Variants in SLCO2A1 observed in about 807,000 individuals in gnomAD.
SLCO2A1 encodes the protein matrin F/G 1.
A neutral mutation model predicts 71.7 loss-of-function variants in SLCO2A1; 60 were observed. That is an observed-to-expected ratio of 0.84 (90% CI 0.68 to 1.04). SLCO2A1 has a LOEUF of 1.04. SLCO2A1 is among the 50% of genes least tolerant of loss of function. SLCO2A1 has a pLI of 0.00. For synonymous variants in SLCO2A1, 308 were observed against 326.7 expected (o/e 0.94, Z 0.62); for missense variants, 745 against 813.4 (o/e 0.92, Z 1.02).
chr3:133,973,603 A>C, intron 3 of SLCO2A1, 60 bp downstream of exon 3: 1 of 1,579,284 alleles, frequency 6.3e-7, no homozygotes. Flanking sequence ...TATCCCCACT[A>C]ACTTTGTGAG....
At chr3:133,948,178 G>A (rs1360346135) in intron 8 of SLCO2A1, among the ~76,000 whole-genome samples, 1 of 152,146 alleles carries the variant, frequency 6.6e-6, no homozygotes, top group African/African-American at 2.4e-5. Flanking sequence ...GGGAAGAAGA[G>A]AAAATCCCGG....
intron 9 of SLCO2A1, among the ~76,000 whole-genome samples, chr3:133,946,960 C>T (rs979020394): frequency 2.6e-5 from 4 of 151,918 alleles, no homozygotes; most frequent in African/African-American, 4.8e-5. Flanking sequence ...ACTAAAAATA[C>T]AAAAATTAGC....
At chr3:134,017,263 G>A (rs535290970) in intron 1 of SLCO2A1, among the ~76,000 whole-genome samples, 21 of 152,312 alleles carry the variant, frequency 1.4e-4, no homozygotes, top group Admixed American at 3.9e-4. Context: ...ACTAGGTGAA[G>A]GCTACACAGG....
At chr3:133,946,744 G>A (rs1933587884) in intron 9 of SLCO2A1, among the ~76,000 whole-genome samples, 3 of 152,192 alleles carry the variant, frequency 2.0e-5, no homozygotes, top group Admixed American at 2.0e-4. Flanking sequence ...TGGTGGCCCA[G>A]TAAGAGCCTT....
At chr3:133,988,402 G>T (rs1185406206) in intron 1 of SLCO2A1, among the ~76,000 whole-genome samples, 1 of 152,048 alleles carries the variant, frequency 6.6e-6, no homozygotes, top group Non-Finnish European at 1.5e-5. Flanking sequence ...TAAACTATAG[G>T]CTGGAAGCCC....
At chr3:133,972,890 T>C (rs1934358596) in intron 3 of SLCO2A1, among the ~76,000 whole-genome samples, 1 of 152,082 alleles carries the variant, frequency 6.6e-6, no homozygotes, top group Non-Finnish European at 1.5e-5. Context: ...AAAAAATTAA[T>C]CAACAGCATG....
rs79619371 is a variant in SLCO2A1, at chr3:133,951,222, G to T, written c.847C>A (p.Pro283Thr). 6.2e-7 allele frequency: 1 copy of T among 1,614,028 alleles called. No individual in the cohort carries two copies. Among genetic ancestry groups the T allele is most frequent in the South Asian group, 1.1e-5 (1 of 91,058 alleles). ...FPFFFFPRAM[P>T]IGAKRAPATA... ...TGGAACCTTACCTTTGCTCCTATGG[G>T]CATTGCTCGAGGGAAGAAAAAAAAG... The change falls in exon 6 of 14, where the codon CCC (proline) becomes ACC (threonine). Residue 283 changes from proline (P) to threonine (T), a missense_variant. Physicochemically the swap from Pro to Thr is conservative, Grantham distance 38. Transcript: ENST00000310926.
chr3:134,023,121 A>G (rs1224195054), intron 1 of SLCO2A1, among the ~76,000 whole-genome samples: 1 of 38,324 alleles, frequency 2.6e-5, no homozygotes, highest in Non-Finnish European at 9.2e-5. Flanking sequence ...TTCATACAGC[A>G]AAACAAACAA....
intron 11 of SLCO2A1, among the ~76,000 whole-genome samples, chr3:133,941,486 C>A (rs967720513): frequency 6.6e-6 from 1 of 151,890 alleles, no homozygotes; most frequent in African/African-American, 2.4e-5. Flanking sequence ...ATCCTGGCAC[C>A]GGGAGTCCAA....
intron 1 of SLCO2A1, among the ~76,000 whole-genome samples, chr3:133,988,022 G>A (rs1430212697): frequency 6.6e-6 from 1 of 152,220 alleles, no homozygotes; most frequent in East Asian, 1.9e-4. Flanking sequence ...CTCACTGAGT[G>A]TAAACCAAAA....
At chr3:133,979,710 C>T in intron 1 of SLCO2A1, 92 bp from the exon 2 acceptor site, 2 of 1,406,726 alleles carry the variant, frequency 1.4e-6, no homozygotes, top group South Asian at 1.4e-5. Flanking sequence ...AGGCTGACCT[C>T]TGTTTCCTCG....
intron 12 of SLCO2A1, among the ~76,000 whole-genome samples, chr3:133,936,873 T>C (rs1240594752): frequency 6.6e-6 from 1 of 152,228 alleles, no homozygotes; most frequent in Non-Finnish European, 1.5e-5. Flanking sequence ...GAGTGATATA[T>C]GACACTTCCT....
chr3:133,938,593 G>T, intron 11 of SLCO2A1, 100 bp from the exon 12 acceptor site: 2 of 1,084,374 alleles, frequency 1.8e-6, no homozygotes, highest in Non-Finnish European at 2.9e-6. Flanking sequence ...AACCAGCCCT[G>T]ATGTGGCCTG....
chr3:133,955,234 C>A (rs1253747560), intron 3 of SLCO2A1, 41 bp from the exon 4 acceptor site: 1 of 1,548,436 alleles, frequency 6.5e-7, no homozygotes, highest in Non-Finnish European at 8.8e-7. Flanking sequence ...ACCCTGGTCT[C>A]CTGGTTCCAC....
At chr3:133,936,902 G>A (rs933236264) in intron 12 of SLCO2A1, among the ~76,000 whole-genome samples, 20 of 152,248 alleles carry the variant, frequency 1.3e-4, no homozygotes, top group East Asian at 1.9e-4. Flanking sequence ...AGCAAAGTCC[G>A]GAAACATTGT....
chr3:134,027,204 T>C (rs1356893844), intron 1 of SLCO2A1, among the ~76,000 whole-genome samples: 1 of 152,180 alleles, frequency 6.6e-6, no homozygotes, highest in Non-Finnish European at 1.5e-5. Context: ...CCACCCCTCA[T>C]ATTGTCTTAT....
At chr3:133,984,533 G>A (rs1243836854) in intron 1 of SLCO2A1, among the ~76,000 whole-genome samples, 2 of 152,200 alleles carry the variant, frequency 1.3e-5, no homozygotes, top group Non-Finnish European at 2.9e-5. Flanking sequence ...GGGCCACTCA[G>A]GGTCACAGCC....
At chr3:133,947,511 C>A in intron 8 of SLCO2A1, 66 bp from the exon 9 acceptor site, 1 of 1,363,980 alleles carries the variant, frequency 7.3e-7, no homozygotes. Flanking sequence ...GCTACAAACA[C>A]TGAGCTGGAT....
At chr3:133,976,356 C>T (rs1464062167) in intron 2 of SLCO2A1, among the ~76,000 whole-genome samples, 4 of 152,222 alleles carry the variant, frequency 2.6e-5, no homozygotes, top group Admixed American at 6.5e-5. Context: ...ATCAGCTGTG[C>T]TGACTGTGGC....
Sources: allele counts gnomAD v4.1 joint callset (sites outside exome capture counted in the v4.1 genomes callset), GRCh38; gene constraint gnomAD v4.1.1; transcripts MANE v1.5; gene names NCBI Gene and HGNC (gene_info 2026-07-23, HGNC 2026-07-21).